Variants in IQCJ observed in about 807,000 individuals in gnomAD.
The protein encoded by IQCJ is IQ motif containing J.
Under a neutral mutation model 11.0 loss-of-function variants are expected in IQCJ, and 9 were observed. The observed-to-expected ratio is 0.82, with a 90% CI of 0.49 to 1.43. The LOEUF (loss-of-function observed/expected upper bound fraction) is 1.43. IQCJ is among the 40% of genes most tolerant of loss of function. The pLI, the probability that IQCJ is intolerant of heterozygous loss-of-function variation, is 0.00. For synonymous variants in IQCJ, 55 were observed against 51.3 expected (o/e 1.07, Z -0.31); for missense variants, 146 against 133.2 (o/e 1.10, Z -0.47).
At chr3:159,242,601 A>G (rs988933542) in intron 1 of IQCJ, among the ~76,000 whole-genome samples, 1 of 151,032 alleles carries the variant, frequency 6.6e-6, no homozygotes, top group Non-Finnish European at 1.5e-5. Flanking sequence ...CAGAAAAACA[A>G]TAGTTTATAT....
At chr3:159,155,401 A>T (rs1211077995) in intron 1 of IQCJ, among the ~76,000 whole-genome samples, 3 of 152,118 alleles carry the variant, frequency 2.0e-5, no homozygotes, top group South Asian at 4.1e-4. Context: ...CAAGTAATCC[A>T]CTTGCCTCAG....
At chr3:159,071,480 C>A (rs1715557406) in intron 1 of IQCJ, among the ~76,000 whole-genome samples, 1 of 152,098 alleles carries the variant, frequency 6.6e-6, no homozygotes, top group African/African-American at 2.4e-5. Context: ...GATTTACTAG[C>A]ACCTTTTTTC....
At chr3:159,144,410 A>T (rs1720803555) in intron 1 of IQCJ, among the ~76,000 whole-genome samples, 1 of 152,196 alleles carries the variant, frequency 6.6e-6, no homozygotes. Context: ...AGGGATCATG[A>T]GTATCTCTGA....
chr3:159,247,386 C>T (rs373135181), intron 2 of IQCJ, among the ~76,000 whole-genome samples: 6 of 152,108 alleles, frequency 3.9e-5, no homozygotes, highest in East Asian at 1.9e-4. Flanking sequence ...TGAGCCACCG[C>T]GCCGGTCTAT....
intron 1 of IQCJ, among the ~76,000 whole-genome samples, chr3:159,212,862 A>G (rs1231054682): frequency 6.6e-6 from 1 of 152,228 alleles, no homozygotes; most frequent in African/African-American, 2.4e-5. Flanking sequence ...CTAAAACCTG[A>G]CTTTTGCCCT....
At position 159,219,663 on chromosome 3, in the gene IQCJ, C is replaced by T. The variant is rs563483198; in HGVS notation, c.10-26180C>T. 1.1e-4 allele frequency among the ~76,000 whole-genome samples: 16 copies of T among 152,274 alleles called. No individual in the cohort carries two copies. In the East Asian group the frequency reaches 2.3e-3, roughly 22 times the overall value. On this transcript the variant is annotated intron_variant, in intron 1 of 3. Coordinates refer to ENST00000397832, the MANE Select transcript of IQCJ (RefSeq NM_001042706.3). ...TATAGTAAAAATATTAAAGATCTCT[C>T]CTTTGCTAGAGATTTTAATTTTCTT...
chr3:159,222,080 G>T (rs987126873), intron 1 of IQCJ, among the ~76,000 whole-genome samples: 2 of 151,962 alleles, frequency 1.3e-5, no homozygotes, highest in Non-Finnish European at 2.9e-5. Flanking sequence ...TGTAATACAA[G>T]AAACTTTCCT....
intron 1 of IQCJ, among the ~76,000 whole-genome samples, chr3:159,245,249 G>C (rs1234549691): frequency 6.6e-6 from 1 of 152,084 alleles, no homozygotes; most frequent in Non-Finnish European, 1.5e-5. Context: ...CCAGCAACCA[G>C]CAATGACAAT....
chr3:159,250,547 T>C (rs1368996252), intron 2 of IQCJ, among the ~76,000 whole-genome samples: 2 of 152,164 alleles, frequency 1.3e-5, no homozygotes, highest in Non-Finnish European at 2.9e-5. Flanking sequence ...TCCACATGGC[T>C]GGGGGCGCCT....
At chr3:159,259,930 C>T (rs1728107232) in intron 3 of IQCJ, among the ~76,000 whole-genome samples, 1 of 152,116 alleles carries the variant, frequency 6.6e-6, no homozygotes, top group Non-Finnish European at 1.5e-5. Context: ...ATTGTTTTCA[C>T]ATATGTGGAT....
Position 159,111,814 on chromosome 3 carries a change from T to C in IQCJ, c.9+42373T>C, listed in dbSNP as rs761269127. Among the ~76,000 whole-genome samples, 34 of 152,354 alleles carry C rather than the reference T, an allele frequency of 2.2e-4. No individual in the cohort carries two copies. In the Middle Eastern group the frequency reaches 0.014, roughly 61 times the overall value. On this transcript the variant is annotated intron_variant, in intron 1 of 3. Coordinates refer to ENST00000397832, the MANE Select transcript of IQCJ (RefSeq NM_001042706.3). Reference sequence around the variant, plus strand: ...GTTGGATTTTACTGGTTTTGTAGTTTTATTTGCATTTAATTTTAAAATTTG... The same window carrying C: ...GTTGGATTTTACTGGTTTTGTAGTTCTATTTGCATTTAATTTTAAAATTTG...
At chr3:159,082,959 T>C (rs1283054255) in intron 1 of IQCJ, among the ~76,000 whole-genome samples, 1 of 152,080 alleles carries the variant, frequency 6.6e-6, no homozygotes, top group African/African-American at 2.4e-5. Context: ...ATACAAAAAT[T>C]ACCTCATAAT....
At chr3:159,090,364 C>T (rs1043144384) in intron 1 of IQCJ, among the ~76,000 whole-genome samples, 3 of 151,990 alleles carry the variant, frequency 2.0e-5, no homozygotes, top group Non-Finnish European at 2.9e-5. Flanking sequence ...CACCCGTCTT[C>T]TGCGTCGCTC....
chr3:159,172,344 C>T (rs1433102041), intron 1 of IQCJ, among the ~76,000 whole-genome samples: 1 of 151,466 alleles, frequency 6.6e-6, no homozygotes, highest in Non-Finnish European at 1.5e-5. Context: ...TGACTTACAA[C>T]CATGAAAAAG....
intron 1 of IQCJ, among the ~76,000 whole-genome samples, chr3:159,086,251 G>A (rs914866415): frequency 7.2e-5 from 11 of 152,184 alleles, no homozygotes; most frequent in African/African-American, 1.9e-4. Flanking sequence ...ATTTCTGAGG[G>A]CTCTGTTCTG....
chr3:159,217,761 T>G (rs912364039), intron 1 of IQCJ, among the ~76,000 whole-genome samples: 1 of 152,128 alleles, frequency 6.6e-6, no homozygotes, highest in Admixed American at 6.6e-5. Context: ...GACTCTTCAT[T>G]TCCTGGGTCT....
At chr3:159,211,024 G>T (rs1355170080) in intron 1 of IQCJ, among the ~76,000 whole-genome samples, 1 of 152,158 alleles carries the variant, frequency 6.6e-6, no homozygotes, top group Non-Finnish European at 1.5e-5. Context: ...TACTATTTGT[G>T]TTAGGTAAGT....
intron 1 of IQCJ, among the ~76,000 whole-genome samples, chr3:159,236,390 C>T (rs947944265): frequency 6.6e-6 from 1 of 151,784 alleles, no homozygotes; most frequent in Non-Finnish European, 1.5e-5. Flanking sequence ...CTATTAATGC[C>T]CATATTCACA....
chr3:159,181,946 T>TAAGAC (rs576603671), intron 1 of IQCJ, among the ~76,000 whole-genome samples: 2 of 151,756 alleles, frequency 1.3e-5, no homozygotes, highest in African/African-American at 4.9e-5. Flanking sequence ...TAAATTCCTT[T>TAAGAC]AAAGTGTCTC....
Sources: gnomAD v4.1 joint callset for allele counts (sites outside exome capture counted in the v4.1 genomes callset) on GRCh38, gnomAD v4.1.1 for gene constraint, MANE v1.5 for transcripts, NCBI Gene and HGNC (gene_info 2026-07-23, HGNC 2026-07-21) for gene names.